The following SUPT3H variants were observed in gnomAD, a reference collection of about 807,000 sequenced individuals.
SUPT3H encodes the protein SPT3 homolog, SAGA and STAGA complex component.
In SUPT3H, 44 loss-of-function variants were observed where a neutral mutation model predicts 44.3. The ratio of observed to expected loss-of-function variants is 0.99; its 90% CI spans 0.78 to 1.28. SUPT3H has a LOEUF of 1.28. Among genes scored for constraint, SUPT3H ranks in the 50% most tolerant of loss-of-function variants. The pLI is 0.00. For synonymous variants in SUPT3H, 124 were observed against 125.6 expected (o/e 0.99, Z 0.09); for missense variants, 380 against 387.1 (o/e 0.98, Z 0.15).
chr6:45,181,648 T>C (rs1167344100), intron 2 of SUPT3H, among the ~76,000 whole-genome samples: 1 of 139,186 alleles, frequency 7.2e-6, no homozygotes, highest in African/African-American at 2.7e-5. Context: ...TTCTCCCTCA[T>C]AAGTGGGAAT....
At chr6:45,254,653 G>A (rs1273382861) in intron 2 of SUPT3H, among the ~76,000 whole-genome samples, 1 of 152,130 alleles carries the variant, frequency 6.6e-6, no homozygotes, top group Admixed American at 6.5e-5. Flanking sequence ...TGAATCACAT[G>A]CCTTATTTTT....
At chr6:44,939,661 T>C (rs1223279493) in intron 9 of SUPT3H, among the ~76,000 whole-genome samples, 2 of 151,828 alleles carry the variant, frequency 1.3e-5, no homozygotes, top group Non-Finnish European at 3.0e-5. Flanking sequence ...TGTACACATT[T>C]GGCTGTGAAT....
chr6:45,227,570 C>A (rs1360831564), intron 2 of SUPT3H, among the ~76,000 whole-genome samples: 3 of 152,126 alleles, frequency 2.0e-5, no homozygotes, highest in African/African-American at 7.2e-5. Flanking sequence ...CTTGGACTTC[C>A]TTTTCCATTT....
At chr6:45,291,497 T>C (rs1780310098) in intron 2 of SUPT3H, among the ~76,000 whole-genome samples, 1 of 152,094 alleles carries the variant, frequency 6.6e-6, no homozygotes, top group South Asian at 2.1e-4. Context: ...GTTATTAAGC[T>C]AATAGGGGAG....
chr6:44,980,650 G>A (rs1051696415), intron 6 of SUPT3H, among the ~76,000 whole-genome samples: 1 of 152,152 alleles, frequency 6.6e-6, no homozygotes, highest in Non-Finnish European at 1.5e-5. Context: ...CTACATGGTG[G>A]TATATGACTG....
intron 2 of SUPT3H, among the ~76,000 whole-genome samples, chr6:45,342,235 A>C (rs929655450): frequency 3.3e-5 from 5 of 152,108 alleles, no homozygotes; most frequent in African/African-American, 1.2e-4. Context: ...AGTGAAAAAA[A>C]AATAGAATAC....
intron 2 of SUPT3H, among the ~76,000 whole-genome samples, chr6:45,182,450 T>C (rs1031289880): frequency 9.2e-5 from 14 of 152,184 alleles, no homozygotes; most frequent in African/African-American, 3.4e-4. Flanking sequence ...TTAGTAGAGA[T>C]GGGGTTTCAC....
At chr6:45,254,758 C>T (rs553954422) in intron 2 of SUPT3H, among the ~76,000 whole-genome samples, 5 of 152,246 alleles carry the variant, frequency 3.3e-5, no homozygotes, top group Admixed American at 6.5e-5. Context: ...TTCACTTACC[C>T]ATGGTTTAAG....
intron 10 of SUPT3H, among the ~76,000 whole-genome samples, chr6:44,923,411 G>C (rs1345266021): frequency 6.6e-6 from 1 of 151,964 alleles, no homozygotes; most frequent in African/African-American, 2.4e-5. Context: ...CCAAATAAAG[G>C]TTATGTCATC....
intron 2 of SUPT3H, among the ~76,000 whole-genome samples, chr6:45,170,130 A>G (rs928913024): frequency 2.7e-4 from 41 of 152,204 alleles, no homozygotes; most frequent in African/African-American, 9.4e-4. Flanking sequence ...AACTCTTCGT[A>G]GACTTCTAGG....
chr6:45,175,037 A>AAT, intron 2 of SUPT3H, among the ~76,000 whole-genome samples: 1 of 150,234 alleles, frequency 6.7e-6, no homozygotes. Context: ...AAAAAAAAAA[A>AAT]AAATTAAAAA....
chr6:44,879,325 C>A (rs958129448), intron 10 of SUPT3H, among the ~76,000 whole-genome samples: 2 of 152,178 alleles, frequency 1.3e-5, no homozygotes, highest in Non-Finnish European at 2.9e-5. Flanking sequence ...TTGAACTGGG[C>A]AGAGCCCACT....
intron 2 of SUPT3H, among the ~76,000 whole-genome samples, chr6:45,333,283 T>C (rs1420180845): frequency 6.6e-6 from 1 of 151,640 alleles, no homozygotes; most frequent in Non-Finnish European, 1.5e-5. Context: ...GGGAGTTTCC[T>C]TACATTTTTA....
At chr6:45,240,751 G>A (rs1214052477) in intron 2 of SUPT3H, among the ~76,000 whole-genome samples, 1 of 152,098 alleles carries the variant, frequency 6.6e-6, no homozygotes, top group Non-Finnish European at 1.5e-5. Context: ...AAAAAATACG[G>A]CAAGTTCCTA....
At chr6:44,815,838 G>C (rs908782452) in intron 11 of SUPT3H, among the ~76,000 whole-genome samples, 1 of 151,638 alleles carries the variant, frequency 6.6e-6, no homozygotes, top group African/African-American at 2.4e-5. Context: ...AAGTAATCAT[G>C]GTTTTTCCCA....
chr6:45,359,312 A>G (rs1406618327), intron 2 of SUPT3H, among the ~76,000 whole-genome samples: 4 of 152,146 alleles, frequency 2.6e-5, no homozygotes, highest in Admixed American at 6.6e-5. Context: ...TATGTTCTCA[A>G]TCTGCTTTTA....
At chr6:45,170,072 T>C (rs1325518768) in intron 2 of SUPT3H, among the ~76,000 whole-genome samples, 1 of 152,188 alleles carries the variant, frequency 6.6e-6, no homozygotes, top group African/African-American at 2.4e-5. Flanking sequence ...ACACAGAAAG[T>C]TAATAGTTGC....
intron 2 of SUPT3H, among the ~76,000 whole-genome samples, chr6:45,243,272 A>T (rs1338462540): frequency 2.0e-5 from 3 of 151,702 alleles, no homozygotes; most frequent in Non-Finnish European, 4.4e-5. Context: ...CAGACAAAAA[A>T]ATCTAACAAT....
intron 2 of SUPT3H, among the ~76,000 whole-genome samples, chr6:45,330,831 A>G (rs184287788): frequency 1.1e-3 from 162 of 151,978 alleles, no homozygotes; most frequent in Non-Finnish European, 4.6e-4. Context: ...AGAACTTAAC[A>G]TCAACCCACT....
Sources: allele counts gnomAD v4.1 joint callset (sites outside exome capture counted in the v4.1 genomes callset), GRCh38; gene constraint gnomAD v4.1.1; transcripts MANE v1.5; gene names NCBI Gene and HGNC (gene_info 2026-07-23, HGNC 2026-07-21).